CSDC2: variants seen among roughly 807,000 people sequenced by gnomAD.
The protein encoded by CSDC2 is cold shock domain containing C2.
A neutral mutation model predicts 15.8 loss-of-function variants in CSDC2; 8 were observed. The observed-to-expected ratio is 0.51, with a 90% CI of 0.30 to 0.92. CSDC2 has a LOEUF of 0.92. Among genes scored for constraint, CSDC2 ranks in the 40% least tolerant of loss-of-function variants. The pLI, the probability that CSDC2 is intolerant of heterozygous loss-of-function variation, is 0.07. For synonymous variants in CSDC2, 96 were observed against 92.3 expected (o/e 1.04, Z -0.23); for missense variants, 195 against 213.3 (o/e 0.91, Z 0.53).
chr22:41,571,998 G>A lies in CSDC2; in HGVS notation c.33G>A (p.Val11=). The change falls in exon 2 of 4, where the codon GTG becomes GTA. Residue 11 remains valine, a synonymous_variant. Coordinates refer to ENST00000306149, the MANE Select transcript of CSDC2 (RefSeq NM_014460.4). The part of the protein sequence containing the change: MTSESTSPPV[V]PPLHSPKSPV... Reference sequence around the variant, plus strand: ...CAGAGTCGACGTCACCCCCAGTTGTGCCCCCGCTCCACTCCCCCAAGTCCC... The same window carrying A: ...CAGAGTCGACGTCACCCCCAGTTGTACCCCCGCTCCACTCCCCCAAGTCCC... 1.5e-6 allele frequency: 2 copies of A among 1,358,998 alleles called. No individual in the cohort carries two copies. The highest frequency in any genetic ancestry group is 1.9e-6 in the Non-Finnish European group (2 of 1,053,696). The allele number at this position is 1,358,998 out of a possible 1,614,324, so 84.2% of individuals were successfully genotyped here.
rs1269996913 is a variant in CSDC2 at position 41,574,841 on chromosome 22, G to A, written c.408G>A (p.Gln136=). The change falls in exon 4 of 4, where the codon CAG becomes CAA. Residue 136 remains glutamine, a synonymous_variant. Transcript: ENST00000306149. ...AGGCCGTGGAGGTGGTGCTCACTCA[G>A]CTGGCCCCCCACACTCCCCACGAGA... ...KFQAVEVVLT[Q]LAPHTPHETW... 10 of 1,611,992 alleles carry A rather than the reference G, an allele frequency of 6.2e-6. No individual in the cohort carries two copies. Among genetic ancestry groups the A allele is most frequent in the Non-Finnish European group, 8.5e-6 (10 of 1,179,314 alleles).
Position 41,574,981 on chromosome 22 carries a change from C to T in CSDC2, c.*86C>T. ...GCAGCCGGCTCCATGCCCCACTGCC[C>T]TGGCTGATGAGTCCTTCGGTGGCCT... On this transcript the variant is annotated 3_prime_UTR_variant, in exon 4 of 4. Coordinates refer to ENST00000306149, the MANE Select transcript of CSDC2 (RefSeq NM_014460.4). The T allele has an allele frequency of 6.9e-7, 1 of 1,453,020 alleles. No homozygotes were observed. Among genetic ancestry groups the T allele is most frequent in the Non-Finnish European group, 9.3e-7 (1 of 1,079,624 alleles). 90.0% of individuals were successfully genotyped at this position (1,453,020 alleles called of 1,614,324 possible). A position where few individuals can be genotyped will look rare whatever the true frequency, so the allele number is the denominator to read the frequency against.
intron 1 of CSDC2, among the ~76,000 whole-genome samples, chr22:41,566,300 T>TG (rs540523447): frequency 1.9e-3 from 289 of 151,754 alleles, no homozygotes; most frequent in African/African-American, 6.8e-3. Flanking sequence ...AAAAATTAGC[T>TG]GGGCGTGGTG....
In CSDC2 at chr22:41,572,092, C is replaced by A; in HGVS notation, c.127C>A (p.Arg43=). The A allele has an allele frequency of 1.5e-6, 2 of 1,358,554 alleles. No homozygotes were observed. Among genetic ancestry groups the A allele is most frequent in the Non-Finnish European group, 1.9e-6 (2 of 1,051,042 alleles). The allele number at this position is 1,358,554 out of a possible 1,614,324, so 84.2% of individuals were successfully genotyped here. A position where few individuals can be genotyped will look rare whatever the true frequency, so the allele number is the denominator to read the frequency against. ...CTGGGAGCGGGGTGGTGTCCCACCT[C>A]GGGACCTACCCAGCCCTCTGCCCAC... The part of the protein sequence containing the change: ...RVWERGGVPP[R]DLPSPLPTKR... The change falls in exon 2 of 4, where the codon CGG becomes AGG. Residue 43 remains arginine (R), a synonymous_variant. Coordinates refer to ENST00000306149, the MANE Select transcript of CSDC2 (RefSeq NM_014460.4).
intron 2 of CSDC2, 86 bp from the exon 3 acceptor site, chr22:41,573,569 C>T: frequency 4.0e-6 from 6 of 1,497,728 alleles, no homozygotes; most frequent in Non-Finnish European, 5.4e-6. Flanking sequence ...CTGAGGCACG[C>T]TCAGCAGAAA....
intron 3 of CSDC2, among the ~76,000 whole-genome samples, chr22:41,574,302 G>C (rs149641081): frequency 6.6e-6 from 1 of 152,164 alleles, no homozygotes; most frequent in Non-Finnish European, 1.5e-5. Flanking sequence ...GTCTCGCTCT[G>C]TCGCCCAGGC....
intron 1 of CSDC2, among the ~76,000 whole-genome samples, chr22:41,564,964 C>G (rs1412888453): frequency 1.3e-5 from 2 of 151,926 alleles, no homozygotes; most frequent in African/African-American, 4.8e-5. Flanking sequence ...GTCAGGAGTT[C>G]AAGATCAGCT....
chr22:41,572,347 C>CCAT (rs2067149675), intron 2 of CSDC2, among the ~76,000 whole-genome samples: 19 of 39,768 alleles, frequency 4.8e-4, no homozygotes, highest in South Asian at 1.6e-3. Context: ...CATCCATCCA[C>CCAT]CCACCCACCC....
At chr22:41,574,688 C>T in intron 3 of CSDC2, 45 bp from the exon 4 acceptor site, 1 of 1,599,730 alleles carries the variant, frequency 6.3e-7, no homozygotes, top group Non-Finnish European at 8.5e-7. Context: ...TTGTCTGGGG[C>T]ACAGGGCCTG....
At chr22:41,563,899 G>A (rs371327297) in intron 1 of CSDC2, among the ~76,000 whole-genome samples, 8 of 149,588 alleles carry the variant, frequency 5.3e-5, no homozygotes, top group African/African-American at 1.7e-4. Flanking sequence ...GTGAAACCCC[G>A]TCTCTACTAA....
chr22:41,572,587 C>A (rs1254430209), intron 2 of CSDC2, among the ~76,000 whole-genome samples: 1 of 152,134 alleles, frequency 6.6e-6, no homozygotes, highest in Non-Finnish European at 1.5e-5. Flanking sequence ...AAGCTGCTTA[C>A]AATCCAGAGG....
At chr22:41,571,634 G>C (rs999270651) in intron 1 of CSDC2, among the ~76,000 whole-genome samples, 2 of 151,942 alleles carry the variant, frequency 1.3e-5, no homozygotes, top group Admixed American at 6.6e-5. Flanking sequence ...GGAGTTAAGA[G>C]AATTGAACTG....
At chr22:41,569,239 G>T (rs1162589340) in intron 1 of CSDC2, among the ~76,000 whole-genome samples, 3 of 152,236 alleles carry the variant, frequency 2.0e-5, no homozygotes, top group Non-Finnish European at 4.4e-5. Context: ...GGGTAACTTT[G>T]CTGCCCCGTC....
intron 1 of CSDC2, among the ~76,000 whole-genome samples, chr22:41,566,631 A>C (rs1298041511): frequency 4.8e-5 from 4 of 82,694 alleles, no homozygotes; most frequent in Non-Finnish European, 9.6e-5. Context: ...ACTCTGTCTC[A>C]AAAAAAAAAA....
At chr22:41,561,697 G>A (rs1195561816) in intron 1 of CSDC2, among the ~76,000 whole-genome samples, 3 of 152,206 alleles carry the variant, frequency 2.0e-5, no homozygotes, top group African/African-American at 4.8e-5. Flanking sequence ...GTGTGATGGG[G>A]ATAATTGTGT....
At chr22:41,564,303 AG>A (rs1417368288) in intron 1 of CSDC2, among the ~76,000 whole-genome samples, 1 of 150,910 alleles carries the variant, frequency 6.6e-6, no homozygotes, top group Admixed American at 6.6e-5. Flanking sequence ...TGTGTCGCCC[AG>A]GCTGGAGTGC....
At chr22:41,565,449 CAA>C (rs34460484) in intron 1 of CSDC2, among the ~76,000 whole-genome samples, 1,446 of 57,438 alleles carry the variant, frequency 0.025, 33 homozygotes, top group African/African-American at 0.072. Flanking sequence ...GATTCCATCT[CAA>C]AAAAAAAAAA....
At chr22:41,566,327 C>G (rs1385729340) in intron 1 of CSDC2, among the ~76,000 whole-genome samples, 2 of 151,504 alleles carry the variant, frequency 1.3e-5, no homozygotes, top group Admixed American at 1.3e-4. Flanking sequence ...GCCTGTAGTC[C>G]CAGCTACTCA....
At chr22:41,562,024 G>T (rs571094330) in intron 1 of CSDC2, among the ~76,000 whole-genome samples, 1 of 152,328 alleles carries the variant, frequency 6.6e-6, no homozygotes, top group Non-Finnish European at 1.5e-5. Context: ...CAGCCTGCAG[G>T]CTCTTCCCAG....
Sources: gnomAD v4.1 joint callset for allele counts (sites outside exome capture counted in the v4.1 genomes callset) on GRCh38, gnomAD v4.1.1 for gene constraint, MANE v1.5 for transcripts, NCBI Gene and HGNC (gene_info 2026-07-23, HGNC 2026-07-21) for gene names.